The following SEMA7A variants were observed in gnomAD, a reference collection of about 807,000 sequenced individuals.
SEMA7A encodes semaphorin-7A.
SEMA7A carries 21 observed loss-of-function variants against 67.5 expected under a neutral mutation model. The observed-to-expected ratio is 0.31, with a 90% CI of 0.22 to 0.45. SEMA7A has a LOEUF of 0.45. SEMA7A is among the 20% of genes least tolerant of loss of function. The probability of loss-of-function intolerance (pLI) is 1.00; values close to 1 mark genes in which losing one functional copy is unlikely to be tolerated. For missense variants in SEMA7A, 774 were observed against 908.6 expected (o/e 0.85, Z 1.90); for synonymous variants, 364 against 368.5 (o/e 0.99, Z 0.14).
intron 10 of SEMA7A, 25 bp from the exon 11 acceptor site, chr15:74,412,037 G>C: frequency 6.2e-7 from 1 of 1,613,030 alleles, no homozygotes; most frequent in Non-Finnish European, 8.5e-7. Flanking sequence ...CAGAGGGTCA[G>C]TGGGCGGGAG....
Position 74,411,812 on chromosome 15 carries a change from T to A in SEMA7A, c.1422+73A>T. 6.2e-7 allele frequency: 1 copy of A among 1,603,700 alleles called. No homozygotes were observed. The highest frequency in any genetic ancestry group is 8.5e-7 in the Non-Finnish European group (1 of 1,175,654). ...AGAAGCTCTTAAAAGAACACACAAA[T>A]CACATGCAAAGGAGCCCTGTCCTCA... On this transcript the variant is annotated intron_variant, in intron 11 of 13. Coordinates refer to ENST00000261918, the MANE Select transcript of SEMA7A (RefSeq NM_003612.5). The surrounding 1 kb of genome is among the most constrained non-coding windows in gnomAD (Gnocchi z 4.4).
At chr15:74,415,061 G>A in intron 8 of SEMA7A, 115 bp from the exon 9 acceptor site, 5 of 788,558 alleles carry the variant, frequency 6.3e-6, no homozygotes, top group South Asian at 6.0e-5. Context: ...CTGAAAATGG[G>A]GAGGGATGGA....
At chr15:74,420,203 C>T (rs1224329864) in intron 1 of SEMA7A, among the ~76,000 whole-genome samples, 4 of 152,194 alleles carry the variant, frequency 2.6e-5, no homozygotes, top group East Asian at 1.9e-4. Flanking sequence ...TTAACAGGGG[C>T]AAGGAGCAGC....
rs2060926960 is a variant in SEMA7A, at chr15:74,414,344, C to G, written c.1294+203G>C. Among the ~76,000 whole-genome samples, 1 of 152,222 alleles carries G rather than the reference C, an allele frequency of 6.6e-6. No homozygotes were observed. Among genetic ancestry groups the G allele is most frequent in the African/African-American group, 2.4e-5 (1 of 41,454 alleles). On this transcript the variant is annotated intron_variant, in intron 10 of 13. Transcript: ENST00000261918. This position sits in a 1 kb window ranked among gnomAD's most constrained non-coding sequence, Gnocchi z 4.1. Reference sequence around the variant, plus strand: ...CAGTGCTTGCTTTTCTCCCATCCCCCTTTCCCTCTTGCCCCTACCTCCTCC... The same window carrying G: ...CAGTGCTTGCTTTTCTCCCATCCCCGTTTCCCTCTTGCCCCTACCTCCTCC...
chr15:74,426,380 C>G (rs940139945), intron 1 of SEMA7A, among the ~76,000 whole-genome samples: 1 of 152,232 alleles, frequency 6.6e-6, no homozygotes. Flanking sequence ...CCTGCACATG[C>G]TCCCTGACCT....
rs1351871206 is a variant in SEMA7A at position 74,423,201 on chromosome 15, C to T, written c.179-4249G>A. On this transcript the variant is annotated intron_variant, in intron 1 of 13. Transcript: ENST00000261918. This position sits in a 1 kb window ranked among gnomAD's most constrained non-coding sequence, Gnocchi z 4.1. ...CCAGCACATCTGGCAGGAGCGTCCT[C>T]CCACAGTTGTGCCCCCACCCCTGCA... Among the ~76,000 whole-genome samples, 44 of 152,242 alleles carry T rather than the reference C, an allele frequency of 2.9e-4. No homozygotes were observed. The highest frequency in any genetic ancestry group is 2.9e-3 in the Admixed American group (44 of 15,288).
chr15:74,416,760 C>T (rs201700921), intron 6 of SEMA7A, 46 bp from the exon 7 acceptor site: 93 of 1,600,168 alleles, frequency 5.8e-5, no homozygotes, highest in South Asian at 3.6e-4. Context: ...GAAGCTTGCC[C>T]GGGAGACCAT....
chr15:74,425,795 C>T (rs1008007899), intron 1 of SEMA7A, among the ~76,000 whole-genome samples: 3 of 152,196 alleles, frequency 2.0e-5, no homozygotes, highest in African/African-American at 7.2e-5. Context: ...AGATATCTAC[C>T]GTAGACAGTC....
intron 1 of SEMA7A, chr15:74,427,108 C>A (rs1434326615): frequency 7.6e-6 from 4 of 526,042 alleles, no homozygotes; most frequent in Non-Finnish European, 9.7e-6. Context: ...TCCCTTGGAT[C>A]CAGGAAGTAT....
intron 1 of SEMA7A, among the ~76,000 whole-genome samples, chr15:74,430,420 G>A (rs1176601279): frequency 1.3e-5 from 2 of 152,088 alleles, no homozygotes; most frequent in Non-Finnish European, 2.9e-5. Flanking sequence ...TACCCTCTTT[G>A]GGCATTTGGG....
intron 1 of SEMA7A, among the ~76,000 whole-genome samples, chr15:74,428,664 C>T (rs1268375898): frequency 6.6e-6 from 1 of 152,092 alleles, no homozygotes; most frequent in Non-Finnish European, 1.5e-5. Flanking sequence ...CTGTGGGAGT[C>T]TAGGAGGCAG....
chr15:74,417,707 A>C, intron 4 of SEMA7A, 32 bp from the exon 5 acceptor site: 1 of 1,585,612 alleles, frequency 6.3e-7, no homozygotes, highest in Non-Finnish European at 8.6e-7. Flanking sequence ...GGATGGCCAC[A>C]TAATCCCACA....
rs376969025 is a variant in SEMA7A, at chr15:74,411,741, G to A, written c.1423-31C>T. ...AGGACAGCAGGATTGGGTCAGGCCC[G>A]GGCCCCACCCCACACTCAGTCCTAA... On this transcript the variant is annotated intron_variant, in intron 11 of 13. Coordinates refer to ENST00000261918, the MANE Select transcript of SEMA7A (RefSeq NM_003612.5). This position sits in a 1 kb window ranked among gnomAD's most constrained non-coding sequence, Gnocchi z 4.4. 16 of 1,609,462 alleles carry A rather than the reference G, an allele frequency of 9.9e-6. No homozygotes were observed. The highest frequency in any genetic ancestry group is 4.0e-5 in the African/African-American group (3 of 74,878).
intron 1 of SEMA7A, 142 bp downstream of exon 1, chr15:74,433,599 C>G: frequency 7.9e-7 from 1 of 1,266,218 alleles, no homozygotes. Flanking sequence ...CCCAAACCCA[C>G]ACGCTCCACG....
At position 74,429,826 on chromosome 15, in the gene SEMA7A, G is replaced by GT. The variant is rs1267386114; in HGVS notation, c.178+3914dup. On this transcript the variant is annotated intron_variant, in intron 1 of 13. Coordinates refer to ENST00000261918, the MANE Select transcript of SEMA7A (RefSeq NM_003612.5). ...TTCTCTCCTCTCTGTGGTCCTAGCTGTAAGTTCTTGGGTTTAAAATCCTAC... is the reference window on the plus strand; with the variant it reads ...TTCTCTCCTCTCTGTGGTCCTAGCTGTTAAGTTCTTGGGTTTAAAATCCTAC... Among the ~76,000 whole-genome samples the GT allele has an allele frequency of 3.9e-5, 6 of 152,222 alleles. No homozygotes were observed. The East Asian group carries it at 9.6e-4, about 24-fold the overall frequency.
Position 74,417,376 on chromosome 15 carries a change from C to A in SEMA7A, c.620G>T (p.Arg207Leu). Residue 207 changes from arginine (R) to leucine (L), a missense_variant, in exon 6 of 14, where the codon CGG becomes CTG. Physicochemically the swap from Arg to Leu is moderately radical, Grantham distance 102. Around this residue, in one of 2 missense-constraint regions of SEMA7A, gnomAD observed 347 missense variants for 353.2 expected, o/e 0.98. Coordinates refer to ENST00000261918, the MANE Select transcript of SEMA7A (RefSeq NM_003612.5). ...ACTGGTGTACAGCTCACTCTCGCCC[C>A]GGATGCGGCGGAACCGAGGGATCTT... Reference protein sequence around the residue: ...NGKIPRFRRIRGESELYTSDT... With the variant: ...NGKIPRFRRILGESELYTSDT... The A allele has an allele frequency of 6.2e-7, 1 of 1,614,036 alleles. No individual in the cohort carries two copies. Among genetic ancestry groups the A allele is most frequent in the Admixed American group, 1.7e-5 (1 of 60,014 alleles).
chr15:74,417,184 C>T (rs1435360966), intron 6 of SEMA7A, 151 bp downstream of exon 6: 1 of 662,970 alleles, frequency 1.5e-6, no homozygotes, highest in African/African-American at 1.8e-5. Flanking sequence ...CCCAGCCAAC[C>T]CTAACTTCTC....
At chr15:74,424,955 G>A (rs536966669) in intron 1 of SEMA7A, among the ~76,000 whole-genome samples, 7 of 152,346 alleles carry the variant, frequency 4.6e-5, no homozygotes, top group African/African-American at 7.2e-5. Flanking sequence ...GGCAGGGGTC[G>A]GGGAGAGGGC....
In SEMA7A at chr15:74,418,281, C is replaced by T. The variant is rs2060969970; in HGVS notation, c.359G>A (p.Cys120Tyr). 6.2e-7 allele frequency: 1 copy of T among 1,611,988 alleles called. No homozygotes were observed. The highest frequency in any genetic ancestry group is 1.3e-5 in the African/African-American group (1 of 74,778). ...TCCCCCACTCACCCGCTTATCCAGACAGGACCCCTTTGTGGAGCCGATATT... is the reference window on the plus strand; with the variant it reads ...TCCCCCACTCACCCGCTTATCCAGATAGGACCCCTTTGTGGAGCCGATATT... The part of the protein sequence containing the change: ...TVNIGSTKGS[C>Y]LDKRDCENYI... The change falls in exon 3 of 14, where the codon TGT becomes TAT. Residue 120 changes from cysteine to tyrosine, a missense_variant. Transcript: ENST00000261918.
Sources: gnomAD v4.1 joint callset for allele counts (sites outside exome capture counted in the v4.1 genomes callset) on GRCh38, gnomAD v4.1.1 for gene constraint, gnomAD v4.1.1 regional missense constraint, Gnocchi (gnomAD v3.1) non-coding constraint, MANE v1.5 for transcripts, NCBI Gene and HGNC (gene_info 2026-07-23, HGNC 2026-07-21) for gene names.